The following GNAO1 variants were observed in gnomAD, a reference collection of about 807,000 sequenced individuals.
The protein encoded by GNAO1 is G protein subunit alpha o1.
For missense variants in GNAO1, 166 were observed against 478.7 expected (o/e 0.35, Z 6.10); for synonymous variants, 164 against 180.7 (o/e 0.91, Z 0.74).
intron 2 of GNAO1, 25 bp downstream of exon 2, chr16:56,192,641 C>A (rs754217562): frequency 1.4e-6 from 2 of 1,436,236 alleles, no homozygotes; most frequent in Non-Finnish European, 2.0e-6. Context: ...CATTGGGATT[C>A]GTACTTTTAT....
chr16:56,351,615 C>G lies in GNAO1; in HGVS notation c.877+78C>G. The G allele has an allele frequency of 8.5e-7, 1 of 1,176,478 alleles. No individual in the cohort carries two copies. The highest frequency in any genetic ancestry group is 1.3e-5 in the South Asian group (1 of 76,432). 72.9% of individuals were successfully genotyped at this position (1,176,478 alleles called of 1,614,324 possible). The stretch of plus-strand genomic sequence containing the variant: ...ATGGCTCAGAGAACAGGCTGCTCGG[C>G]CAGCACTGCTGGGGCTAGCTGGCGA... On this transcript the variant is annotated intron_variant, in intron 7 of 8. Coordinates refer to ENST00000262493, the MANE Select transcript of GNAO1 (RefSeq NM_020988.3). This position sits in a 1 kb window ranked among gnomAD's most constrained non-coding sequence, Gnocchi z 6.1.
At chr16:56,346,289 G>T in intron 6 of GNAO1, 1 of 985,430 alleles carries the variant, frequency 1.0e-6, no homozygotes, top group Non-Finnish European at 1.2e-6. Context: ...CTCCGTCGTG[G>T]ATGTGGATGT....
chr16:56,215,914 A>C (rs2036432814), intron 2 of GNAO1, among the ~76,000 whole-genome samples: 1 of 151,984 alleles, frequency 6.6e-6, no homozygotes, highest in South Asian at 2.1e-4. Context: ...GTATACCCCC[A>C]CTCTCTTCCT....
At chr16:56,257,276 C>G (rs2036860642) in intron 2 of GNAO1, among the ~76,000 whole-genome samples, 1 of 152,132 alleles carries the variant, frequency 6.6e-6, no homozygotes, top group African/African-American at 2.4e-5. Flanking sequence ...TGGTCTTAGC[C>G]CTGGGGCACT....
intron 2 of GNAO1, among the ~76,000 whole-genome samples, chr16:56,195,488 C>G (rs2036224571): frequency 6.6e-6 from 1 of 152,218 alleles, no homozygotes; most frequent in African/African-American, 2.4e-5. Flanking sequence ...CTGAGAGTCA[C>G]TTTGAGTCAG....
rs1213280440 is a variant in GNAO1, at chr16:56,191,949, C to G, written c.-287C>G. 2 of 489,830 alleles carry G rather than the reference C, an allele frequency of 4.1e-6. No individual in the cohort carries two copies. The highest frequency in any genetic ancestry group is 7.2e-6 in the Non-Finnish European group (2 of 276,230). The allele number at this position is 489,830 out of a possible 1,614,324, so 30.3% of individuals were successfully genotyped here. A position where few individuals can be genotyped will look rare whatever the true frequency, so the allele number is the denominator to read the frequency against. Reference sequence around the variant, plus strand: ...GCCTGCAGTCCGCGCCTCCTCGGCCCGCGGGCGCCTCCTCCCTTGGCTCCG... The same window carrying G: ...GCCTGCAGTCCGCGCCTCCTCGGCCGGCGGGCGCCTCCTCCCTTGGCTCCG... On this transcript the variant is annotated 5_prime_UTR_variant, in exon 1 of 9. Coordinates refer to ENST00000262493, the MANE Select transcript of GNAO1 (RefSeq NM_020988.3). The surrounding 1 kb of genome is among the most constrained non-coding windows in gnomAD (Gnocchi z 4.7).
Position 56,290,666 on chromosome 16 carries a change from C to T in GNAO1, c.303+14594C>T, listed in dbSNP as rs115455658. ...GGAAGCAAGGAGTAGGGGTCACACA[C>T]GTGAGGCATGTGAGAGGGGGTGCCT... On this transcript the variant is annotated intron_variant, in intron 3 of 8. Coordinates refer to ENST00000262493, the MANE Select transcript of GNAO1 (RefSeq NM_020988.3). Among the ~76,000 whole-genome samples, 435 of 152,308 alleles carry T rather than the reference C, an allele frequency of 2.9e-3. 4 individuals are homozygous for T. The highest frequency in any genetic ancestry group is 9.7e-3 in the African/African-American group (405 of 41,568).
chr16:56,218,976 A>G (rs1159954976), intron 2 of GNAO1, among the ~76,000 whole-genome samples: 6 of 152,158 alleles, frequency 3.9e-5, no homozygotes, highest in African/African-American at 7.2e-5. Context: ...ATTTTTTAAA[A>G]TGTGAAACAC....
rs1268643456 is a variant in GNAO1, at chr16:56,356,609, C to G, written c.*535C>G. On this transcript the variant is annotated 3_prime_UTR_variant, in exon 9 of 9. Transcript: ENST00000262493. ...CGCCACCTGGCGGCCCTAAGCCACTCCCGCCACACGCTCACTCCAGGTTCG... is the reference window on the plus strand; with the variant it reads ...CGCCACCTGGCGGCCCTAAGCCACTGCCGCCACACGCTCACTCCAGGTTCG... The G allele has an allele frequency of 6.5e-6, 1 of 152,890 alleles. No homozygotes were observed. Among genetic ancestry groups the G allele is most frequent in the Non-Finnish European group, 1.5e-5 (1 of 68,194 alleles). 9.5% of individuals were successfully genotyped at this position (152,890 alleles called of 1,614,324 possible).
chr16:56,285,904 T>A (rs1166849792), intron 3 of GNAO1, among the ~76,000 whole-genome samples: 3 of 152,176 alleles, frequency 2.0e-5, no homozygotes, highest in Non-Finnish European at 4.4e-5. Context: ...AGCCCCAGAA[T>A]TGAGCCCTTT....
At chr16:56,330,447 C>G (rs1322513021) in intron 4 of GNAO1, among the ~76,000 whole-genome samples, 1 of 150,676 alleles carries the variant, frequency 6.6e-6, no homozygotes, top group African/African-American at 2.4e-5. Flanking sequence ...ACATTTTTAC[C>G]CATTTCACTA....
chr16:56,356,664 G>C lies in GNAO1; in HGVS notation c.*590G>C, dbSNP rs1461644011. On this transcript the variant is annotated 3_prime_UTR_variant, in exon 9 of 9. Coordinates refer to ENST00000262493, the MANE Select transcript of GNAO1 (RefSeq NM_020988.3). ...GAAAAAGCACAGCTCTCACTGGCCA[G>C]TAGCTGCCAAAAAGAACACCCATCG... 6.5e-6 allele frequency: 1 copy of C among 152,706 alleles called. No individual in the cohort carries two copies. Among genetic ancestry groups the C allele is most frequent in the Non-Finnish European group, 1.5e-5 (1 of 68,074 alleles). The allele number at this position is 152,706 out of a possible 1,614,324, so 9.5% of individuals were successfully genotyped here. A position where few individuals can be genotyped will look rare whatever the true frequency, so the allele number is the denominator to read the frequency against.
chr16:56,318,533 G>T (rs1429597604), intron 3 of GNAO1, among the ~76,000 whole-genome samples: 2 of 152,212 alleles, frequency 1.3e-5, no homozygotes, highest in African/African-American at 4.8e-5. Flanking sequence ...CATGGGGCAG[G>T]GTGGGGCCAG....
chr16:56,256,621 G>A (rs1396211792), intron 2 of GNAO1, among the ~76,000 whole-genome samples: 2 of 151,692 alleles, frequency 1.3e-5, no homozygotes, highest in Non-Finnish European at 2.9e-5. Context: ...ATGTTCTCAG[G>A]ATCTGTTGTC....
At chr16:56,305,665 C>A (rs2037387302) in intron 3 of GNAO1, among the ~76,000 whole-genome samples, 1 of 152,174 alleles carries the variant, frequency 6.6e-6, no homozygotes, top group South Asian at 2.1e-4. Context: ...CCCCAACTCC[C>A]AGCCCCAGGG....
chr16:56,233,442 A>G (rs1352503101), intron 2 of GNAO1, among the ~76,000 whole-genome samples: 1 of 152,226 alleles, frequency 6.6e-6, no homozygotes. Context: ...AGAAGGCACC[A>G]GATTAAAAGT....
chr16:56,205,995 A>C (rs1254770180), intron 2 of GNAO1, among the ~76,000 whole-genome samples: 1 of 152,144 alleles, frequency 6.6e-6, no homozygotes, highest in Non-Finnish European at 1.5e-5. Context: ...TCTAGACCAC[A>C]GGGAGGGAAA....
intron 2 of GNAO1, among the ~76,000 whole-genome samples, chr16:56,203,796 G>A (rs779534679): frequency 2.6e-5 from 4 of 152,214 alleles, no homozygotes; most frequent in Non-Finnish European, 5.9e-5. Flanking sequence ...AAGTACAGAA[G>A]TAGGCCTGGA....
chr16:56,266,388 C>T (rs1596830564), intron 2 of GNAO1, among the ~76,000 whole-genome samples: 2 of 152,310 alleles, frequency 1.3e-5, no homozygotes, highest in East Asian at 3.9e-4. Context: ...TCAGGGGCCT[C>T]TACACTCTTG....
Sources: allele counts gnomAD v4.1 joint callset (sites outside exome capture counted in the v4.1 genomes callset), GRCh38; gene constraint gnomAD v4.1.1; non-coding constraint Gnocchi (gnomAD v3.1); transcripts MANE v1.5; gene names NCBI Gene and HGNC (gene_info 2026-07-23, HGNC 2026-07-21).